The following ELMO2 variants were observed in gnomAD, a reference collection of about 807,000 sequenced individuals.
ELMO2 encodes engulfment and cell motility protein 2.
ELMO2 carries 37 observed loss-of-function variants against 96.2 expected under a neutral mutation model. That is an observed-to-expected ratio of 0.38 (90% CI 0.30 to 0.51). The LOEUF is 0.51. Among genes scored for constraint, ELMO2 ranks in the 20% least tolerant of loss-of-function variants. The probability of loss-of-function intolerance (pLI) is 0.88; values close to 1 mark genes in which losing one functional copy is unlikely to be tolerated. For missense variants in ELMO2, 561 were observed against 912.6 expected (o/e 0.61, Z 4.96); for synonymous variants, 315 against 329.4 (o/e 0.96, Z 0.47).
At chr20:46,389,290 C>G in intron 6 of ELMO2, 70 bp from the exon 7 acceptor site, 38 of 1,507,804 alleles carry the variant, frequency 2.5e-5, no homozygotes, top group Non-Finnish European at 3.2e-5. Flanking sequence ...GGATAGCTCA[C>G]AGAGGCCCTT....
rs1474443603 is a variant in ELMO2, at chr20:46,380,439, T to C, written c.757-136A>G. The C allele has an allele frequency of 1.1e-5, 8 of 695,788 alleles. No homozygotes were observed. The East Asian group carries it at 1.5e-4, about 13-fold the overall frequency. 43.1% of individuals were successfully genotyped at this position (695,788 alleles called of 1,614,324 possible). A position where few individuals can be genotyped will look rare whatever the true frequency, so the allele number is the denominator to read the frequency against. On this transcript the variant is annotated intron_variant, in intron 10 of 21. Coordinates refer to ENST00000290246, the MANE Select transcript of ELMO2 (RefSeq NM_133171.5). ...TTTTTCCTCCCAAATGAAAAGTGGG[T>C]GAATGAACGAAAATCCACTGACCAT...
chr20:46,405,956 C>A (rs1568798454), intron 1 of ELMO2, among the ~76,000 whole-genome samples: 1 of 152,192 alleles, frequency 6.6e-6, no homozygotes, highest in Non-Finnish European at 1.5e-5. Flanking sequence ...GGCCCCTGTG[C>A]CTGCGCAGGG....
At chr20:46,370,930 T>C (rs1301601545) in intron 19 of ELMO2, among the ~76,000 whole-genome samples, 1 of 152,214 alleles carries the variant, frequency 6.6e-6, no homozygotes. Context: ...GTGCTTTGCA[T>C]ACATTACTCA....
At position 46,368,978 on chromosome 20, in the gene ELMO2, A is replaced by C; in HGVS notation, c.1885-10T>G. On this transcript the variant is annotated splice_polypyrimidine_tract_variant and intron_variant, in intron 20 of 21. Coordinates refer to ENST00000290246, the MANE Select transcript of ELMO2 (RefSeq NM_133171.5). ...CCAATTCCAACACCTCCTGAAGGAG[A>C]AAGGGTTTAAATTAGAGCGATGGAA... 1 of 1,614,020 alleles carries C rather than the reference A, an allele frequency of 6.2e-7. No individual in the cohort carries two copies. The highest frequency in any genetic ancestry group is 8.5e-7 in the Non-Finnish European group (1 of 1,179,892).
chr20:46,380,225 T>C (rs758463645), intron 11 of ELMO2, 28 bp downstream of exon 11: 1 of 1,584,914 alleles, frequency 6.3e-7, no homozygotes, highest in Non-Finnish European at 8.7e-7. Context: ...TTAATAGTAA[T>C]AAAATACAGC....
At chr20:46,406,174 C>T (rs1449602254) in intron 1 of ELMO2, among the ~76,000 whole-genome samples, 1 of 151,988 alleles carries the variant, frequency 6.6e-6, no homozygotes, top group Non-Finnish European at 1.5e-5. Context: ...GAGCGCTCTC[C>T]GGCTTCTTCC....
chr20:46,390,371 A>G (rs2145831751), intron 6 of ELMO2, among the ~76,000 whole-genome samples: 1 of 152,296 alleles, frequency 6.6e-6, no homozygotes. Context: ...AAAGCCTGGC[A>G]ATTTTTTAAA....
rs777781656 is a variant in ELMO2, at chr20:46,371,253, G to A, written c.1801+99C>T. ...AGGAAACAGGTCCAGAGAGGTAACA[G>A]GTACAAGCCCAGATGATCAGCTACA... On this transcript the variant is annotated intron_variant, in intron 19 of 21. Transcript: ENST00000290246. This position sits in a 1 kb window ranked among gnomAD's most constrained non-coding sequence, Gnocchi z 5.9. 33 of 1,205,548 alleles carry A rather than the reference G, an allele frequency of 2.7e-5. No individual in the cohort carries two copies. Among genetic ancestry groups the A allele is most frequent in the Admixed American group, 7.7e-5 (4 of 51,742 alleles). 74.7% of individuals were successfully genotyped at this position (1,205,548 alleles called of 1,614,324 possible).
intron 11 of ELMO2, among the ~76,000 whole-genome samples, chr20:46,377,877 C>T (rs1037085580): frequency 3.3e-5 from 5 of 152,174 alleles, no homozygotes; most frequent in Non-Finnish European, 7.3e-5. Context: ...TCCCACTCCC[C>T]CCAGTCTCTC....
intron 2 of ELMO2, among the ~76,000 whole-genome samples, chr20:46,397,803 C>T (rs564606364): frequency 2.0e-5 from 3 of 152,154 alleles, no homozygotes; most frequent in South Asian, 2.1e-4. Flanking sequence ...AAGATCCGTA[C>T]GAGCCAAAGA....
chr20:46,367,318 C>CA lies in ELMO2; in HGVS notation c.*41dup. ...AGAATGTAAGTGTTTCTCCTGGGCC[C>CA]AAAATCCCTTCTCCTGGGTACCGTC... On this transcript the variant is annotated 3_prime_UTR_variant, in exon 22 of 22. Transcript: ENST00000290246. 1 of 1,423,798 alleles carries CA rather than the reference C, an allele frequency of 7.0e-7. No homozygotes were observed. The highest frequency in any genetic ancestry group is 9.2e-7 in the Non-Finnish European group (1 of 1,083,352). 88.2% of individuals were successfully genotyped at this position (1,423,798 alleles called of 1,614,324 possible). A position where few individuals can be genotyped will look rare whatever the true frequency, so the allele number is the denominator to read the frequency against.
chr20:46,373,263 C>G, intron 16 of ELMO2, 136 bp downstream of exon 16: 1 of 1,214,172 alleles, frequency 8.2e-7, no homozygotes, highest in Non-Finnish European at 1.1e-6. Flanking sequence ...CTCCCCAGTG[C>G]CTCAGTCTTG....
At chr20:46,398,048 T>C (rs2060276050) in intron 2 of ELMO2, among the ~76,000 whole-genome samples, 1 of 152,208 alleles carries the variant, frequency 6.6e-6, no homozygotes, top group Non-Finnish European at 1.5e-5. Flanking sequence ...TCATTGCAAC[T>C]AATACGCCTA....
At position 46,375,117 on chromosome 20, in the gene ELMO2, T is replaced by C; in HGVS notation, c.1065+119A>G. 8 of 1,347,178 alleles carry C rather than the reference T, an allele frequency of 5.9e-6. No homozygotes were observed. The highest frequency in any genetic ancestry group is 8.1e-6 in the Non-Finnish European group (8 of 993,174). 83.5% of individuals were successfully genotyped at this position (1,347,178 alleles called of 1,614,324 possible). ...AAGCATTAAAGCTCCACCAGCTTCC[T>C]AACTGTCATCTATTCCAGGGCCACC... is the stretch of plus-strand genomic sequence containing the variant. On this transcript the variant is annotated intron_variant, in intron 13 of 21. Transcript: ENST00000290246. The surrounding 1 kb of genome is among the most constrained non-coding windows in gnomAD (Gnocchi z 4.6).
At chr20:46,374,030 G>A (rs1403362575) in intron 15 of ELMO2, among the ~76,000 whole-genome samples, 2 of 145,220 alleles carry the variant, frequency 1.4e-5, no homozygotes, top group African/African-American at 5.1e-5. Context: ...CTGACACAGT[G>A]ATCCTCCTGC....
chr20:46,385,440 C>T (rs1475602221), intron 9 of ELMO2, among the ~76,000 whole-genome samples: 6 of 152,218 alleles, frequency 3.9e-5, no homozygotes, highest in Non-Finnish European at 5.9e-5. Context: ...CCAGGTTGGC[C>T]TCTATGCTGG....
At chr20:46,405,343 CA>C (rs142200245) in intron 1 of ELMO2, among the ~76,000 whole-genome samples, 1 of 152,194 alleles carries the variant, frequency 6.6e-6, no homozygotes, top group African/African-American at 2.4e-5. Context: ...AAGACTAAGC[CA>C]GGGGAGGAAG....
rs371731757 is a variant in ELMO2, at chr20:46,371,299, T to C, written c.1801+53A>G. The C allele has an allele frequency of 1.0e-5, 16 of 1,560,274 alleles. No individual in the cohort carries two copies. The African/African-American group carries it at 1.9e-4, about 18-fold the overall frequency. Reference sequence around the variant, plus strand: ...CTACAAACAGCTGGACTAGAACTCCTGTCTCCTGACAAGTCCAGCAACCAT... The same window carrying C: ...CTACAAACAGCTGGACTAGAACTCCCGTCTCCTGACAAGTCCAGCAACCAT... On this transcript the variant is annotated intron_variant, in intron 19 of 21. Transcript: ENST00000290246. The surrounding 1 kb of genome is among the most constrained non-coding windows in gnomAD (Gnocchi z 5.9).
chr20:46,390,236 TCAG>T (rs1213382081), intron 6 of ELMO2, among the ~76,000 whole-genome samples: 31 of 152,324 alleles, frequency 2.0e-4, no homozygotes, highest in Admixed American at 2.0e-3. Flanking sequence ...AAGCTCCCTG[TCAG>T]CAGAAGCAAT....
Sources: allele counts gnomAD v4.1 joint callset (sites outside exome capture counted in the v4.1 genomes callset), GRCh38; gene constraint gnomAD v4.1.1; non-coding constraint Gnocchi (gnomAD v3.1); transcripts MANE v1.5; gene names NCBI Gene and HGNC (gene_info 2026-07-23, HGNC 2026-07-21).